Variants in PPP6R3 observed in about 807,000 individuals in gnomAD.
The protein encoded by PPP6R3 is protein phosphatase 6 regulatory subunit 3.
A neutral mutation model predicts 110.7 loss-of-function variants in PPP6R3; 38 were observed. That is an observed-to-expected ratio of 0.34 (90% confidence interval 0.26 to 0.45). The LOEUF (loss-of-function observed/expected upper bound fraction) is 0.45. Ranked by LOEUF, PPP6R3 falls within the 20% of genes least tolerant of loss-of-function variation. PPP6R3 has a pLI of 1.00. For synonymous variants in PPP6R3, 369 were observed against 373.5 expected (o/e 0.99, Z 0.14); for missense variants, 870 against 1,062.4 (o/e 0.82, Z 2.52).
chr11:68,461,233 C>T (rs1000326323), intron 1 of PPP6R3, among the ~76,000 whole-genome samples: 1 of 151,764 alleles, frequency 6.6e-6, no homozygotes, highest in East Asian at 1.9e-4. Context: ...GTCTCCGCTC[C>T]CGCTGGGCCT....
intron 1 of PPP6R3, among the ~76,000 whole-genome samples, chr11:68,481,917 C>T (rs1263805835): frequency 1.3e-5 from 2 of 152,088 alleles, no homozygotes; most frequent in African/African-American, 4.8e-5. Flanking sequence ...GATGAAGCAG[C>T]TGGGAAGCAG....
At chr11:68,571,441 G>T (rs779882501) in intron 12 of PPP6R3, among the ~76,000 whole-genome samples, 3 of 152,144 alleles carry the variant, frequency 2.0e-5, no homozygotes, top group Admixed American at 6.5e-5. Flanking sequence ...TAGTGTATTT[G>T]TCCTGGTCAC....
At chr11:68,479,394 A>G (rs1346059848) in intron 1 of PPP6R3, among the ~76,000 whole-genome samples, 2 of 152,174 alleles carry the variant, frequency 1.3e-5, no homozygotes, top group Non-Finnish European at 2.9e-5. Context: ...GTGGTATTAA[A>G]AATGTTTGGA....
intron 1 of PPP6R3, among the ~76,000 whole-genome samples, chr11:68,470,876 A>T (rs1205691500): frequency 6.6e-6 from 1 of 152,174 alleles, no homozygotes; most frequent in African/African-American, 2.4e-5. Context: ...AAGTAAGATC[A>T]GGAGTTGGGT....
At chr11:68,500,191 A>G (rs1002835882) in intron 1 of PPP6R3, among the ~76,000 whole-genome samples, 8 of 152,206 alleles carry the variant, frequency 5.3e-5, no homozygotes, top group African/African-American at 1.2e-4. Flanking sequence ...ATATTATTCA[A>G]TACTTAGACT....
At chr11:68,552,355 C>G (rs778662195) in intron 6 of PPP6R3, among the ~76,000 whole-genome samples, 43 of 152,304 alleles carry the variant, frequency 2.8e-4, no homozygotes, top group Admixed American at 7.2e-4. Flanking sequence ...CACAGAAATA[C>G]ATTTTCTGTG....
At chr11:68,572,220 C>A (rs1353478178) in intron 12 of PPP6R3, among the ~76,000 whole-genome samples, 1 of 152,156 alleles carries the variant, frequency 6.6e-6, no homozygotes, top group African/African-American at 2.4e-5. Flanking sequence ...GTCTTGGCTT[C>A]TCTGTGTCCT....
intron 1 of PPP6R3, among the ~76,000 whole-genome samples, chr11:68,472,242 C>T (rs979595983): frequency 1.3e-5 from 2 of 152,104 alleles, no homozygotes; most frequent in Admixed American, 6.5e-5. Flanking sequence ...GAAGGGAAGG[C>T]GTGCAGACGG....
chr11:68,612,074 T>G (rs1239550493), intron 23 of PPP6R3, among the ~76,000 whole-genome samples: 1 of 152,240 alleles, frequency 6.6e-6, no homozygotes, highest in East Asian at 1.9e-4. Context: ...GAGGGTTCTT[T>G]TCCCATTTTA....
At chr11:68,508,121 C>CTTTTTTTTTTTTTTTTTTTTTTTTTTTT (rs748376581) in intron 1 of PPP6R3, among the ~76,000 whole-genome samples, 1 of 77,622 alleles carries the variant, frequency 1.3e-5, no homozygotes, top group Non-Finnish European at 2.2e-5. Context: ...GTTTTTTGGC[C>CTTTTTTTTTTTTTTTTTTTTTTTTTTTT]TTTTTTTTTT....
intron 6 of PPP6R3, among the ~76,000 whole-genome samples, chr11:68,553,517 T>C (rs1383021772): frequency 6.6e-6 from 1 of 152,152 alleles, no homozygotes; most frequent in East Asian, 1.9e-4. Context: ...GGGCTCGAAC[T>C]CCTGACCTCA....
intron 19 of PPP6R3, 53 bp from the exon 20 acceptor site, chr11:68,600,288 G>A: frequency 1.3e-6 from 2 of 1,549,910 alleles, no homozygotes; most frequent in East Asian, 2.2e-5. Flanking sequence ...ATACCTTGTG[G>A]TACATGAAAC....
Position 68,609,900 on chromosome 11 carries a change from G to A in PPP6R3, c.2451-4G>A. On this transcript the variant is annotated splice_region_variant and splice_polypyrimidine_tract_variant and intron_variant, in intron 22 of 23. Transcript: ENST00000393800. The stretch of plus-strand genomic sequence containing the variant: ...TGATGTGCCTGTCATCCTCTTTACT[G>A]CAGTGAGGAAGGGAAACTGTCTACC... 1 of 1,613,978 alleles carries A rather than the reference G, an allele frequency of 6.2e-7. No individual in the cohort carries two copies. The highest frequency in any genetic ancestry group is 8.5e-7 in the Non-Finnish European group (1 of 1,179,926).
intron 17 of PPP6R3, among the ~76,000 whole-genome samples, 199 bp downstream of exon 17, chr11:68,590,913 T>C (rs750566735): frequency 6.6e-6 from 1 of 152,126 alleles, no homozygotes; most frequent in Non-Finnish European, 1.5e-5. Flanking sequence ...TATGACTTGG[T>C]GGAGCTAATA....
At chr11:68,583,541 T>A (rs572798780) in intron 15 of PPP6R3, among the ~76,000 whole-genome samples, 1 of 152,358 alleles carries the variant, frequency 6.6e-6, no homozygotes, top group Non-Finnish European at 1.5e-5. Flanking sequence ...CGAATACCCC[T>A]GATGTAAGTT....
In PPP6R3 at chr11:68,569,752, T is replaced by C. The variant is rs1411915884; in HGVS notation, c.1133T>C (p.Met378Thr). 2 of 1,574,114 alleles carry C rather than the reference T, an allele frequency of 1.3e-6. No individual in the cohort carries two copies. The highest frequency in any genetic ancestry group is 1.7e-6 in the Non-Finnish European group (2 of 1,154,086). Residue 378 changes from methionine to threonine, a missense_variant, in exon 11 of 24, where the codon ATG (methionine) becomes ACG (threonine). By Grantham distance (81) the Met-to-Thr change is moderately conservative. Transcript: ENST00000393800. Reference sequence around the variant, plus strand: ...CATGGTTTTTCTTTTTTGTAGAACATGTTCTTCAAGTATACATGGAATAAC... The same window carrying C: ...CATGGTTTTTCTTTTTTGTAGAACACGTTCTTCAAGTATACATGGAATAAC... ...ELNSIGVILNMFFKYTWNNFL... is the reference protein window; with the variant it reads ...ELNSIGVILNTFFKYTWNNFL...
rs2099278019 is a variant in PPP6R3, at chr11:68,537,715, A to G, written c.51A>G (p.Leu17=). 8 of 1,613,330 alleles carry G rather than the reference A, an allele frequency of 5.0e-6. No individual in the cohort carries two copies. The highest frequency in any genetic ancestry group is 6.8e-6 in the Non-Finnish European group (8 of 1,179,288). ...CATCATCCCACATAGACACACTTCT[A>G]GAAAGAGAAGATGTAACACTGAAGG... is the stretch of plus-strand genomic sequence containing the variant. ...LHSSSHIDTL[L]EREDVTLKEL... The change falls in exon 3 of 24, where the codon CTA becomes CTG. Residue 17 remains leucine (L), a synonymous_variant. Coordinates refer to ENST00000393800, the MANE Select transcript of PPP6R3 (RefSeq NM_001164161.2).
intron 2 of PPP6R3, among the ~76,000 whole-genome samples, chr11:68,532,262 A>G (rs2099245144): frequency 6.6e-6 from 1 of 152,228 alleles, no homozygotes; most frequent in Non-Finnish European, 1.5e-5. Context: ...GATTTACTCA[A>G]CAAATGGATC....
intron 15 of PPP6R3, 96 bp downstream of exon 15, chr11:68,583,225 G>T (rs902778759): frequency 4.2e-6 from 4 of 956,278 alleles, no homozygotes; most frequent in Non-Finnish European, 6.1e-6. Context: ...TTATGTATTA[G>T]AATGTGATTT....
Sources: allele counts gnomAD v4.1 joint callset (sites outside exome capture counted in the v4.1 genomes callset), GRCh38; gene constraint gnomAD v4.1.1; transcripts MANE v1.5; gene names NCBI Gene and HGNC (gene_info 2026-07-23, HGNC 2026-07-21).